TFAP2B: variants seen among roughly 807,000 people sequenced by gnomAD.
TFAP2B encodes the protein transcription factor AP-2-beta.
A neutral mutation model predicts 44.3 loss-of-function variants in TFAP2B; 9 were observed. The observed-to-expected ratio is 0.20, with a 90% CI of 0.12 to 0.35. The LOEUF (loss-of-function observed/expected upper bound fraction) is 0.35, where lower values mean the gene tolerates loss of function less well. Among genes scored for constraint, TFAP2B ranks in the 10% least tolerant of loss-of-function variants. The pLI, the probability that TFAP2B is intolerant of heterozygous loss-of-function variation, is 1.00. For missense variants in TFAP2B, 509 were observed against 600.0 expected, an observed-to-expected ratio of 0.85 and a Z score of 1.59; for synonymous variants, 270 against 263.8, an observed-to-expected ratio of 1.02 and a Z score of -0.23.
chr6:50,832,814 T>C (rs948010707), intron 3 of TFAP2B, among the ~76,000 whole-genome samples: 1 of 152,244 alleles, frequency 6.6e-6, no homozygotes, highest in Non-Finnish European at 1.5e-5. Context: ...AGCTCTTCTA[T>C]AGTCAACTAA....
At position 50,843,570 on chromosome 6, in the gene TFAP2B, C is replaced by T. The variant is rs2857514; in HGVS notation, c.*178C>T. 63,834 of 679,902 alleles carry T rather than the reference C, an allele frequency of 0.094. 3,278 individuals are homozygous for T. The highest frequency in any genetic ancestry group is 0.1 in the Non-Finnish European group (43,537 of 417,456). The allele number at this position is 679,902 out of a possible 1,614,324, so 42.1% of individuals were successfully genotyped here. ...TAACTTAAAAAAAAACTGAGGCGTA[C>T]AACGGAGCAACAATATCGGTTCTCA... On this transcript the variant is annotated 3_prime_UTR_variant, in exon 7 of 7. Transcript: ENST00000393655.
intron 2 of TFAP2B, among the ~76,000 whole-genome samples, chr6:50,824,659 T>C (rs949863809): frequency 2.6e-5 from 4 of 152,184 alleles, no homozygotes; most frequent in Non-Finnish European, 4.4e-5. Flanking sequence ...CCCACTGCCA[T>C]CATCCCAGTT....
chr6:50,838,156 A>G (rs552659427), intron 5 of TFAP2B, 63 bp downstream of exon 5: 7 of 1,196,490 alleles, frequency 5.9e-6, no homozygotes, highest in African/African-American at 1.5e-5. Flanking sequence ...GGAGGCTGAC[A>G]TTTTACACAT....
At chr6:50,836,941 C>G (rs902963769) in intron 4 of TFAP2B, among the ~76,000 whole-genome samples, 4 of 152,154 alleles carry the variant, frequency 2.6e-5, no homozygotes, top group Admixed American at 2.0e-4. Context: ...TTCCACAGCC[C>G]AGAGACTGAC....
intron 3 of TFAP2B, chr6:50,830,199 TA>T (rs1254599201): frequency 1.6e-6 from 1 of 609,576 alleles, no homozygotes; most frequent in Non-Finnish European, 2.1e-6. Flanking sequence ...CATGGAAAGC[TA>T]GAACCACTTA....
Position 50,840,293 on chromosome 6 carries a change from A to G in TFAP2B, c.1078A>G (p.Thr360Ala). Residue 360 changes from threonine (T) to alanine (A), a missense_variant, in exon 6 of 7, where the codon ACC (threonine) becomes GCC (alanine). Thr to Ala is a moderately conservative substitution (Grantham distance 58, BLOSUM62 0). This residue lies in a region of TFAP2B where 168 missense variants were observed against 183.2 expected (regional missense o/e 0.92). Transcript: ENST00000393655. ...LHSRKNMLLA[T>A]KQLCKEFTDL... is the part of the protein sequence containing the mutation. ...CTCCCGAAAGAATATGCTGTTGGCCACCAAGTGAGTTTATTAGACTCTGGG... is the reference window on the plus strand; with the variant it reads ...CTCCCGAAAGAATATGCTGTTGGCCGCCAAGTGAGTTTATTAGACTCTGGG... 2 of 1,613,832 alleles carry G rather than the reference A, an allele frequency of 1.2e-6. No homozygotes were observed. The highest frequency in any genetic ancestry group is 1.7e-6 in the Non-Finnish European group (2 of 1,180,034).
chr6:50,828,499 A>C, intron 2 of TFAP2B, 120 bp from the exon 3 acceptor site: 1 of 791,332 alleles, frequency 1.3e-6, no homozygotes, highest in Non-Finnish European at 2.1e-6. Flanking sequence ...ATAATAAAAC[A>C]GCCCTTTGTG....
Position 50,843,187 on chromosome 6 carries a change from G to A in TFAP2B, c.1178G>A (p.Ser393Asn), listed in dbSNP as rs746707733. ...CCCATCCTGGAGCCGGGGATCCAGA[G>A]CTGCCTCACGCACTTCAGCCTCATC... ...PSPILEPGIQ[S>N]CLTHFSLITH... Residue 393 changes from serine (S) to asparagine (N), a missense_variant, in exon 7 of 7, where the codon AGC becomes AAC. Ser to Asn is a conservative substitution (Grantham distance 46). This residue lies in a region of TFAP2B where 168 missense variants were observed against 183.2 expected (regional missense o/e 0.92). Coordinates refer to ENST00000393655, the MANE Select transcript of TFAP2B (RefSeq NM_003221.4). The A allele has an allele frequency of 6.2e-7, 1 of 1,614,244 alleles. No individual in the cohort carries two copies.
chr6:50,822,356 G>C (rs1305988819), intron 1 of TFAP2B, among the ~76,000 whole-genome samples: 1 of 152,082 alleles, frequency 6.6e-6, no homozygotes, highest in African/African-American at 2.4e-5. Flanking sequence ...TGTGTTCTCC[G>C]TCTGAGCTCC....
At chr6:50,830,598 T>TATG (rs1770646459) in intron 3 of TFAP2B, among the ~76,000 whole-genome samples, 1 of 152,242 alleles carries the variant, frequency 6.6e-6, no homozygotes, top group Non-Finnish European at 1.5e-5. Flanking sequence ...GAGGGTGTGG[T>TATG]ATGAATATGA....
chr6:50,818,709 G>C, upstream of TFAP2B: 1 of 608,344 alleles, frequency 1.6e-6, no homozygotes. Flanking sequence ...TAACTCCTGT[G>C]TGTGCAATAA....
chr6:50,843,009 G>A, intron 6 of TFAP2B, 83 bp from the exon 7 acceptor site: 1 of 1,578,936 alleles, frequency 6.3e-7, no homozygotes, highest in Non-Finnish European at 8.7e-7. Context: ...CGGCGCCTCT[G>A]GGCTTGTGTG....
chr6:50,823,484 C>G lies in TFAP2B; in HGVS notation c.159C>G (p.Ser53Arg), dbSNP rs1234832865. 3 of 1,612,366 alleles carry G rather than the reference C, an allele frequency of 1.9e-6. No homozygotes were observed. Among genetic ancestry groups the G allele is most frequent in the African/African-American group, 1.3e-5 (1 of 74,816 alleles). Residue 53 changes from serine (S) to arginine (R), a missense_variant, in exon 2 of 7, where the codon AGC becomes AGG. Ser to Arg is a moderately radical substitution (Grantham distance 110). This residue lies in a region of TFAP2B where 296 missense variants were observed against 308.2 expected (regional missense o/e 0.96). Transcript: ENST00000393655. ...CGGTGTCCCAAGGACCCTACTCGAG[C>G]GCCCCGCCGCTGTCCCACACCCCGT... The part of the protein sequence containing the change: ...LGSVSQGPYS[S>R]APPLSHTPSS...
At chr6:50,838,520 G>A (rs1762666382) in intron 5 of TFAP2B, among the ~76,000 whole-genome samples, 1 of 152,114 alleles carries the variant, frequency 6.6e-6, no homozygotes, top group Admixed American at 6.5e-5. Flanking sequence ...TAAAACTTTT[G>A]TCACTCCTAG....
chr6:50,839,625 G>A (rs774571934), intron 5 of TFAP2B, among the ~76,000 whole-genome samples: 17 of 152,160 alleles, frequency 1.1e-4, no homozygotes, highest in Non-Finnish European at 2.4e-4. Flanking sequence ...AAAGTGACAA[G>A]GAGAATTATT....
intron 6 of TFAP2B, among the ~76,000 whole-genome samples, chr6:50,841,023 C>T (rs1581830564): frequency 6.6e-6 from 1 of 152,198 alleles, no homozygotes; most frequent in Non-Finnish European, 1.5e-5. Flanking sequence ...CGGTTTGTCC[C>T]GTTGACAGCG....
At chr6:50,828,478 A>C in intron 2 of TFAP2B, 141 bp from the exon 3 acceptor site, 1 of 692,646 alleles carries the variant, frequency 1.4e-6, no homozygotes, top group South Asian at 2.0e-5. Context: ...GTCTATTTGG[A>C]GGTAATAATA....
At chr6:50,840,340 G>A (rs1762701862) in intron 6 of TFAP2B, 43 bp downstream of exon 6, 1 of 1,609,388 alleles carries the variant, frequency 6.2e-7, no homozygotes, top group Non-Finnish European at 8.5e-7. Context: ...CTCCCAGCTG[G>A]CTAGGCCACC....
In TFAP2B at chr6:50,828,653, T is replaced by C; in HGVS notation, c.575T>C (p.Leu192Pro). 1 of 1,614,118 alleles carries C rather than the reference T, an allele frequency of 6.2e-7. No individual in the cohort carries two copies. The highest frequency in any genetic ancestry group is 8.5e-7 in the Non-Finnish European group (1 of 1,179,980). The change falls in exon 3 of 7, where the codon CTA (leucine) becomes CCA (proline). Residue 192 changes from leucine (L) to proline (P), a missense_variant. Coordinates refer to ENST00000393655, the MANE Select transcript of TFAP2B (RefSeq NM_003221.4). ...GATGCCAATAACAGCGGCATGAATC[T>C]ATTGGACCAGTCTGTCATTAAAAAA... ...VEDANNSGMN[L>P]LDQSVIKKVP...
Sources: allele counts gnomAD v4.1 joint callset (sites outside exome capture counted in the v4.1 genomes callset), GRCh38; gene constraint gnomAD v4.1.1; regional missense constraint gnomAD v4.1.1; transcripts MANE v1.5; gene names NCBI Gene and HGNC (gene_info 2026-07-23, HGNC 2026-07-21).